ZMYND12: variants seen among roughly 807,000 people sequenced by gnomAD.
The protein encoded by ZMYND12 is zinc finger MYND-type containing 12, also known as zinc finger MYND domain-containing protein 12.
A neutral mutation model predicts 41.7 loss-of-function variants in ZMYND12; 32 were observed. That is an observed-to-expected ratio of 0.77 (90% confidence interval 0.58 to 1.03). The LOEUF (loss-of-function observed/expected upper bound fraction) is 1.03, where lower values mean the gene tolerates loss of function less well. Ranked by LOEUF, ZMYND12 falls within the 50% of genes least tolerant of loss-of-function variation. The pLI is 0.00. For synonymous variants in ZMYND12, 148 were observed against 164.8 expected (o/e 0.90, Z 0.78); for missense variants, 424 against 438.5 (o/e 0.97, Z 0.30).
chr1:42,443,010 T>C (rs1642986112), intron 3 of ZMYND12, among the ~76,000 whole-genome samples: 1 of 152,128 alleles, frequency 6.6e-6, no homozygotes, highest in Admixed American at 6.5e-5. Context: ...GACTCTTAAC[T>C]AAGATTGTTT....
intron 3 of ZMYND12, among the ~76,000 whole-genome samples, chr1:42,442,887 C>A (rs1159571565): frequency 2.0e-5 from 3 of 152,144 alleles, no homozygotes; most frequent in Non-Finnish European, 4.4e-5. Flanking sequence ...GAGCACGAGG[C>A]CTAGTCCCTG....
intron 6 of ZMYND12, among the ~76,000 whole-genome samples, chr1:42,434,087 T>C (rs1642882173): frequency 6.6e-6 from 1 of 152,234 alleles, no homozygotes; most frequent in African/African-American, 2.4e-5. Flanking sequence ...CCAGCTGTCC[T>C]CACCTCTTCA....
chr1:42,436,180 T>C (rs1642906387), intron 5 of ZMYND12, among the ~76,000 whole-genome samples: 1 of 152,220 alleles, frequency 6.6e-6, no homozygotes, highest in Non-Finnish European at 1.5e-5. Context: ...TACTGACCTG[T>C]CCTTCATTAT....
intron 3 of ZMYND12, among the ~76,000 whole-genome samples, chr1:42,447,685 G>GTTCT (rs1225424849): frequency 6.6e-6 from 1 of 152,124 alleles, no homozygotes; most frequent in Non-Finnish European, 1.5e-5. Flanking sequence ...GGGGATAAAA[G>GTTCT]TTCTTTATAT....
chr1:42,448,691 G>A (rs900261698), intron 2 of ZMYND12, 53 bp from the exon 3 acceptor site: 1 of 1,528,928 alleles, frequency 6.5e-7, no homozygotes, highest in African/African-American at 1.4e-5. Flanking sequence ...AAAGGCAAAG[G>A]TGGATGTAGA....
chr1:42,439,956 T>A lies in ZMYND12; in HGVS notation c.494A>T (p.Asp165Val). ...QAQWTVLKST[D>V]CSNATHSLLH... ...TAAAGAGTGGGTGGCATTACTACAG[T>A]CAGTTGATTTGAGGACTGTCCACTG... The change falls in exon 4 of 8, where the codon GAC (aspartate) becomes GTC (valine). Residue 165 changes from aspartate to valine, a missense_variant. Physicochemically the swap from Asp to Val is radical, Grantham distance 152 (BLOSUM62 -3). Transcript: ENST00000372565. The A allele has an allele frequency of 6.2e-7, 1 of 1,614,084 alleles. No homozygotes were observed. Among genetic ancestry groups the A allele is most frequent in the Non-Finnish European group, 8.5e-7 (1 of 1,180,016 alleles).
At chr1:42,432,636 T>A (rs1424642200) in intron 7 of ZMYND12, among the ~76,000 whole-genome samples, 1 of 152,220 alleles carries the variant, frequency 6.6e-6, no homozygotes, top group Non-Finnish European at 1.5e-5. Flanking sequence ...TGCCTCAGTT[T>A]CCTTGTTTGT....
Position 42,449,980 on chromosome 1 carries a change from T to C in ZMYND12, c.190A>G (p.Met64Val), listed in dbSNP as rs199895748. 3 of 1,613,812 alleles carry C rather than the reference T, an allele frequency of 1.9e-6. No individual in the cohort carries two copies. Among genetic ancestry groups the C allele is most frequent in the African/African-American group, 1.3e-5 (1 of 74,924 alleles). The change falls in exon 2 of 8, where the codon ATG becomes GTG. Residue 64 changes from methionine (M) to valine (V), a missense_variant. Met to Val is a conservative substitution (Grantham distance 21). Coordinates refer to ENST00000372565, the MANE Select transcript of ZMYND12 (RefSeq NM_032257.5). ...CQLLIPLRTS[M>V]PFYNSEEERQ... is the part of the protein sequence containing the mutation. ...TCTTCCTCTGAATTGTAGAAGGGCA[T>C]GGAAGTGCGCAGTGGAATCAAGAGC...
Position 42,430,559 on chromosome 1 carries a change from C to T in ZMYND12, c.*177G>A, listed in dbSNP as rs1642836625. On this transcript the variant is annotated 3_prime_UTR_variant, in exon 8 of 8. Coordinates refer to ENST00000372565, the MANE Select transcript of ZMYND12 (RefSeq NM_032257.5). ...TTTTTAGTGATTTCTATGCCTAAAGCTTTATATTCCCTTAATATGCTGTGT... is the reference window on the plus strand; with the variant it reads ...TTTTTAGTGATTTCTATGCCTAAAGTTTTATATTCCCTTAATATGCTGTGT... 1 of 723,804 alleles carries T rather than the reference C, an allele frequency of 1.4e-6. No individual in the cohort carries two copies. The highest frequency in any genetic ancestry group is 2.6e-5 in the East Asian group (1 of 37,872). 44.8% of individuals were successfully genotyped at this position (723,804 alleles called of 1,614,324 possible). A position where few individuals can be genotyped will look rare whatever the true frequency, so the allele number is the denominator to read the frequency against.
intron 2 of ZMYND12, among the ~76,000 whole-genome samples, chr1:42,449,317 C>T (rs17379130): frequency 0.035 from 5,308 of 152,224 alleles, 143 homozygotes; most frequent in Admixed American, 0.048. Flanking sequence ...TGGCCAGACT[C>T]TTGGCATCTG....
chr1:42,449,057 G>A (rs1276912606), intron 2 of ZMYND12, among the ~76,000 whole-genome samples: 1 of 152,130 alleles, frequency 6.6e-6, no homozygotes, highest in Non-Finnish European at 1.5e-5. Context: ...ATCCTGTTTA[G>A]CTAATATCAC....
rs1642840243 is a variant in ZMYND12 at position 42,430,771 on chromosome 1, T to A, written c.1063A>T (p.Ser355Cys). The A allele has an allele frequency of 6.2e-7, 1 of 1,614,094 alleles. No homozygotes were observed. Among genetic ancestry groups the A allele is most frequent in the African/African-American group, 1.3e-5 (1 of 74,934 alleles). Residue 355 changes from serine (S) to cysteine (C), a missense_variant, in exon 8 of 8, where the codon AGT becomes TGT. Ser to Cys is a moderately radical substitution (Grantham distance 112). Coordinates refer to ENST00000372565, the MANE Select transcript of ZMYND12 (RefSeq NM_032257.5). ...GGATGGTCTTCAGTTGAAATGAGACTTAATAACTCTTGAATGGTGCTTTGC... is the reference window on the plus strand; with the variant it reads ...GGATGGTCTTCAGTTGAAATGAGACATAATAACTCTTGAATGGTGCTTTGC... ...HEQSTIQELL[S>C]LISTEDHPIT
chr1:42,447,018 A>C (rs116098159), intron 3 of ZMYND12, among the ~76,000 whole-genome samples: 57,805 of 151,560 alleles, frequency 0.38, 11,420 homozygotes, highest in East Asian at 0.59. Flanking sequence ...AATAAAGATA[A>C]AATACTGATA....
intron 2 of ZMYND12, among the ~76,000 whole-genome samples, chr1:42,449,029 A>G (rs1341274027): frequency 6.6e-6 from 1 of 152,210 alleles, no homozygotes; most frequent in African/African-American, 2.4e-5. Context: ...GAAACATCTC[A>G]TTTTCCCTTC....
Position 42,430,581 on chromosome 1 carries a change from G to A in ZMYND12, c.*155C>T, listed in dbSNP as rs1570343375. ...AAGCTTTATATTCCCTTAATATGCT[G>A]TGTAAGAAAAAAATAACAGCTATGT... On this transcript the variant is annotated 3_prime_UTR_variant, in exon 8 of 8. Transcript: ENST00000372565. 3 of 944,388 alleles carry A rather than the reference G, an allele frequency of 3.2e-6. No homozygotes were observed. The East Asian group carries it at 7.4e-5, about 23-fold the overall frequency. 58.5% of individuals were successfully genotyped at this position (944,388 alleles called of 1,614,324 possible). A position where few individuals can be genotyped will look rare whatever the true frequency, so the allele number is the denominator to read the frequency against.
chr1:42,447,673 CAG>C (rs1253483165), intron 3 of ZMYND12, among the ~76,000 whole-genome samples: 1 of 152,162 alleles, frequency 6.6e-6, no homozygotes, highest in African/African-American at 2.4e-5. Flanking sequence ...TCAGAGAACT[CAG>C]GGGATAAAAG....
In ZMYND12 at chr1:42,455,932, G is replaced by T. The variant is rs1404390341; in HGVS notation, c.66C>A (p.Ala22=). 2.5e-6 allele frequency: 4 copies of T among 1,613,764 alleles called. No homozygotes were observed. The highest frequency in any genetic ancestry group is 2.2e-5 in the South Asian group (2 of 91,070). The change falls in exon 1 of 8, where the codon GCC becomes GCA. Residue 22 remains alanine (A), a synonymous_variant. Transcript: ENST00000372565. ...AGGCCGCGCACACCCGCTCGGCTGGGGCTTCGCACACCTCACAGCAGAGTC... is the reference window on the plus strand; with the variant it reads ...AGGCCGCGCACACCCGCTCGGCTGGTGCTTCGCACACCTCACAGCAGAGTC... ...GRRLCCEVCE[A]PAERVCAACT...
At chr1:42,443,051 C>T (rs1463201017) in intron 3 of ZMYND12, among the ~76,000 whole-genome samples, 1 of 152,136 alleles carries the variant, frequency 6.6e-6, no homozygotes, top group Non-Finnish European at 1.5e-5. Context: ...AGGGCATTGA[C>T]AAATATTGGA....
chr1:42,438,846 C>T (rs188429284), intron 4 of ZMYND12, among the ~76,000 whole-genome samples: 1 of 152,326 alleles, frequency 6.6e-6, no homozygotes, highest in African/African-American at 2.4e-5. Flanking sequence ...ATGGAGACTG[C>T]AGTCTGACTC....
Sources: allele counts gnomAD v4.1 joint callset (sites outside exome capture counted in the v4.1 genomes callset), GRCh38; gene constraint gnomAD v4.1.1; transcripts MANE v1.5; gene names NCBI Gene and HGNC (gene_info 2026-07-23, HGNC 2026-07-21).